The following PDGFRA variants were observed in gnomAD, a reference collection of about 807,000 sequenced individuals.
The protein encoded by PDGFRA is platelet-derived growth factor receptor alpha.
A neutral mutation model predicts 121.5 loss-of-function variants in PDGFRA; 25 were observed. The observed-to-expected ratio is 0.21, with a 90% CI of 0.15 to 0.29. The LOEUF is 0.29. Among genes scored for constraint, PDGFRA ranks in the 10% least tolerant of loss-of-function variants. PDGFRA has a pLI of 1.00. For synonymous variants in PDGFRA, 463 were observed against 494.8 expected (o/e 0.94, Z 0.85); for missense variants, 1,008 against 1,345.1 (o/e 0.75, Z 3.92).
At chr4:54,274,798 G>A in intron 11 of PDGFRA, 43 bp from the exon 12 acceptor site, 1 of 1,611,512 alleles carries the variant, frequency 6.2e-7, no homozygotes, top group Non-Finnish European at 8.5e-7. Flanking sequence ...TGGTGCACTG[G>A]GACTTTGGTA....
rs1723108515 is a variant in PDGFRA at position 54,267,569 on chromosome 4, A to G, written c.949A>G (p.Ile317Val). 6.2e-7 allele frequency: 1 copy of G among 1,614,098 alleles called. No individual in the cohort carries two copies. The highest frequency in any genetic ancestry group is 1.3e-5 in the African/African-American group (1 of 74,940). ...ISVHEKGFIE[I>V]KPTFSQLEAV... ...CTGTACAGAGAAAGGTTTCATTGAAATCAAACCCACCTTCAGCCAGTTGGA... is the reference window on the plus strand; with the variant it reads ...CTGTACAGAGAAAGGTTTCATTGAAGTCAAACCCACCTTCAGCCAGTTGGA... The change falls in exon 7 of 23, where the codon ATC becomes GTC. Residue 317 changes from isoleucine (I) to valine (V), a missense_variant. Coordinates refer to ENST00000257290, the MANE Select transcript of PDGFRA (RefSeq NM_006206.6).
chr4:54,278,314 C>T (rs754123024), intron 14 of PDGFRA, 48 bp from the exon 15 acceptor site: 1 of 1,462,352 alleles, frequency 6.8e-7, no homozygotes, highest in Non-Finnish European at 9.4e-7. Flanking sequence ...CATGGCTTTT[C>T]TGTTCTTCAT....
chr4:54,240,154 C>T (rs1159494848), intron 1 of PDGFRA: 1 of 228,800 alleles, frequency 4.4e-6, no homozygotes, highest in African/African-American at 2.3e-5. Context: ...CACCTGGCCT[C>T]TCTTTAGTTT....
rs113944794 is a variant in PDGFRA, at chr4:54,284,326, A to C, written c.2324-1045A>C. 6.4e-3 allele frequency among the ~76,000 whole-genome samples: 976 copies of C among 152,266 alleles called. 9 individuals are homozygous for C. The highest frequency in any genetic ancestry group is 0.022 in the African/African-American group (927 of 41,540). ...CTCTGCCTGTTACCCAGTTATCTTT[A>C]CAGCAATTCCCCATTCCTTGATACC... On this transcript the variant is annotated intron_variant, in intron 16 of 22. Transcript: ENST00000257290.
chr4:54,274,778 A>G (rs1723621851), intron 11 of PDGFRA, 63 bp from the exon 12 acceptor site: 1 of 1,585,342 alleles, frequency 6.3e-7, no homozygotes, highest in Non-Finnish European at 8.7e-7. Context: ...GTGCTGCTTC[A>G]GTGAAGCTCT....
intron 1 of PDGFRA, among the ~76,000 whole-genome samples, chr4:54,251,932 A>C (rs970013403): frequency 1.3e-5 from 2 of 152,256 alleles, no homozygotes; most frequent in African/African-American, 4.8e-5. Context: ...CAAATTTCAT[A>C]AGATTAAAAC....
intron 1 of PDGFRA, among the ~76,000 whole-genome samples, chr4:54,249,308 C>G (rs1445612205): frequency 6.6e-6 from 1 of 152,182 alleles, no homozygotes; most frequent in African/African-American, 2.4e-5. Flanking sequence ...GATTATAAAT[C>G]ATGCTGCTAT....
intron 2 of PDGFRA, among the ~76,000 whole-genome samples, chr4:54,260,608 A>G (rs1722646702): frequency 6.6e-6 from 1 of 151,496 alleles, no homozygotes; most frequent in Non-Finnish European, 1.5e-5. Flanking sequence ...AGGTCTCACT[A>G]CGTTGCCCAG....
At chr4:54,239,660 T>C (rs967274096) in intron 1 of PDGFRA, among the ~76,000 whole-genome samples, 1 of 152,204 alleles carries the variant, frequency 6.6e-6, no homozygotes, top group African/African-American at 2.4e-5. Context: ...CCTAATGTTC[T>C]TCATTTTGGA....
At chr4:54,283,560 G>A (rs1724175154) in intron 16 of PDGFRA, among the ~76,000 whole-genome samples, 1 of 152,212 alleles carries the variant, frequency 6.6e-6, no homozygotes, top group East Asian at 1.9e-4. Flanking sequence ...TGATGGGAGG[G>A]GCTGCCATGA....
At chr4:54,232,109 C>G (rs1217673334) in intron 1 of PDGFRA, among the ~76,000 whole-genome samples, 2 of 152,216 alleles carry the variant, frequency 1.3e-5, no homozygotes, top group African/African-American at 4.8e-5. Flanking sequence ...CCAGGTTATA[C>G]GTTGCTGGTG....
At chr4:54,276,122 A>G (rs1008429353) in intron 12 of PDGFRA, among the ~76,000 whole-genome samples, 4 of 152,012 alleles carry the variant, frequency 2.6e-5, no homozygotes, top group Non-Finnish European at 5.9e-5. Flanking sequence ...GGCTCATCTG[A>G]TCTTGGGGCC....
chr4:54,267,529 A>G (rs866074801), intron 6 of PDGFRA, 23 bp from the exon 7 acceptor site: 1 of 1,613,978 alleles, frequency 6.2e-7, no homozygotes, highest in Middle Eastern at 1.7e-4. Context: ...ATCATTATTT[A>G]ATGGAAACTC....
chr4:54,269,468 A>G (rs893488499), intron 7 of PDGFRA, among the ~76,000 whole-genome samples: 1 of 151,734 alleles, frequency 6.6e-6, no homozygotes, highest in Non-Finnish European at 1.5e-5. Flanking sequence ...TATAAAGGAC[A>G]ATCAAATGGG....
At chr4:54,258,562 G>A (rs929491392) in intron 1 of PDGFRA, among the ~76,000 whole-genome samples, 195 bp from the exon 2 acceptor site, 3 of 152,106 alleles carry the variant, frequency 2.0e-5, no homozygotes, top group African/African-American at 7.2e-5. Context: ...GGCAGCTCCC[G>A]CCATGATCTT....
At chr4:54,278,318 T>G (rs1172618222) in intron 14 of PDGFRA, 44 bp from the exon 15 acceptor site, 11 of 1,551,474 alleles carry the variant, frequency 7.1e-6, no homozygotes, top group Non-Finnish European at 8.9e-6. Flanking sequence ...GCTTTTCTGT[T>G]CTTCATTTTC....
chr4:54,289,903 G>A lies in PDGFRA; in HGVS notation c.2881-410G>A, dbSNP rs532461788. 2.0e-5 allele frequency among the ~76,000 whole-genome samples: 3 copies of A among 152,218 alleles called. No individual in the cohort carries two copies. The East Asian group carries it at 5.8e-4, about 29-fold the overall frequency. On this transcript the variant is annotated intron_variant, in intron 21 of 22. Coordinates refer to ENST00000257290, the MANE Select transcript of PDGFRA (RefSeq NM_006206.6). Reference sequence around the variant, plus strand: ...GAGATTGAAGTTATTGTTGAAAATAGGGTCTTTTCACATCCAATGTTAGAC... The same window carrying A: ...GAGATTGAAGTTATTGTTGAAAATAAGGTCTTTTCACATCCAATGTTAGAC...
intron 21 of PDGFRA, 67 bp downstream of exon 21, chr4:54,289,181 T>C (rs1285172977): frequency 4.3e-6 from 4 of 920,144 alleles, no homozygotes; most frequent in Non-Finnish European, 7.2e-6. Context: ...AGCTGTGCTG[T>C]TCCGCAGTTC....
chr4:54,253,237 G>A (rs1405754324), intron 1 of PDGFRA, among the ~76,000 whole-genome samples: 1 of 152,166 alleles, frequency 6.6e-6, no homozygotes, highest in Non-Finnish European at 1.5e-5. Flanking sequence ...TATTATGGGA[G>A]TCTGCAGAAA....
Sources: gnomAD v4.1 joint callset for allele counts (sites outside exome capture counted in the v4.1 genomes callset) on GRCh38, gnomAD v4.1.1 for gene constraint, MANE v1.5 for transcripts, NCBI Gene and HGNC (gene_info 2026-07-23, HGNC 2026-07-21) for gene names.